The following IGF2R variants were observed in gnomAD, a reference collection of about 807,000 sequenced individuals.
IGF2R encodes the protein cation-independent mannose-6-phosphate receptor.
In IGF2R, 91 loss-of-function variants were observed where a neutral mutation model predicts 270.6. The ratio of observed to expected loss-of-function variants is 0.34; its 90% CI spans 0.28 to 0.40. IGF2R has a LOEUF of 0.40. Among genes scored for constraint, IGF2R ranks in the 10% least tolerant of loss-of-function variants. IGF2R has a pLI of 1.00. For missense variants in IGF2R, 2,805 were observed against 3,188.3 expected (o/e 0.88, Z 2.90); for synonymous variants, 1,316 against 1,258.9 (o/e 1.05, Z -0.96).
intron 4 of IGF2R, among the ~76,000 whole-genome samples, chr6:160,023,670 C>A (rs143801068): frequency 6.6e-5 from 10 of 152,254 alleles, no homozygotes; most frequent in African/African-American, 2.2e-4. Flanking sequence ...GAGGTTGAAC[C>A]CCAAGTGTTC....
intron 4 of IGF2R, among the ~76,000 whole-genome samples, chr6:160,011,435 C>A (rs1784331683): frequency 6.6e-6 from 1 of 151,588 alleles, no homozygotes; most frequent in African/African-American, 2.4e-5. Context: ...GTATATATAT[C>A]TATATACATA....
At position 160,075,757 on chromosome 6, in the gene IGF2R, GT is replaced by G. The variant is rs1391991046; in HGVS notation, c.5167-85del. On this transcript the variant is annotated intron_variant, in intron 35 of 47. Transcript: ENST00000356956. ...TCATTCTCAGAACCTATGAGGTCTG[GT>G]TTTTGCAATTCTGTATCAATTCTTA... The G allele has an allele frequency of 3.6e-6, 5 of 1,391,354 alleles. No individual in the cohort carries two copies. The East Asian group carries it at 1.1e-4, about 32-fold the overall frequency. 86.2% of individuals were successfully genotyped at this position (1,391,354 alleles called of 1,614,324 possible). A position where few individuals can be genotyped will look rare whatever the true frequency, so the allele number is the denominator to read the frequency against.
intron 4 of IGF2R, among the ~76,000 whole-genome samples, chr6:160,017,920 C>T (rs147786179): frequency 1.3e-4 from 20 of 152,154 alleles, no homozygotes; most frequent in African/African-American, 4.6e-4. Flanking sequence ...AAAGTATAAA[C>T]ACTCTTATAA....
At chr6:160,058,286 A>T (rs1778356710) in intron 21 of IGF2R, among the ~76,000 whole-genome samples, 162 bp downstream of exon 21, 1 of 152,214 alleles carries the variant, frequency 6.6e-6, no homozygotes, top group Non-Finnish European at 1.5e-5. Flanking sequence ...GGAAAGATGA[A>T]GTAAAACCAT....
chr6:160,032,723 T>A lies in IGF2R; in HGVS notation c.1045+10T>A, dbSNP rs1263752870. The A allele has an allele frequency of 6.2e-7, 1 of 1,612,882 alleles. No individual in the cohort carries two copies. The highest frequency in any genetic ancestry group is 1.7e-5 in the Admixed American group (1 of 59,948). ...CTTGCCCAGAGCGGAGGTAAGCAGG[T>A]GCTTTCTGCCTCCTGGCGCTGCTTA... On this transcript the variant is annotated intron_variant, in intron 8 of 47. Coordinates refer to ENST00000356956, the MANE Select transcript of IGF2R (RefSeq NM_000876.4).
At chr6:159,994,529 G>A (rs1177914974) in intron 2 of IGF2R, among the ~76,000 whole-genome samples, 1 of 151,328 alleles carries the variant, frequency 6.6e-6, no homozygotes, top group Admixed American at 6.6e-5. Context: ...TGCCATGAGG[G>A]TTACATTAGG....
chr6:160,060,163 A>G (rs1442411321), intron 22 of IGF2R, among the ~76,000 whole-genome samples: 1 of 151,656 alleles, frequency 6.6e-6, no homozygotes, highest in Non-Finnish European at 1.5e-5. Flanking sequence ...ATAGGCCACC[A>G]TTGGAGCGAG....
intron 27 of IGF2R, 126 bp from the exon 28 acceptor site, chr6:160,064,275 G>A: frequency 9.4e-7 from 1 of 1,063,300 alleles, no homozygotes; most frequent in South Asian, 1.3e-5. Flanking sequence ...TGCATGGTAT[G>A]GTGCTGGGAG....
chr6:160,085,883 G>A (rs1431352632), intron 41 of IGF2R, among the ~76,000 whole-genome samples: 1 of 152,186 alleles, frequency 6.6e-6, no homozygotes, highest in African/African-American at 2.4e-5. Context: ...AGGAAGTGGC[G>A]CCCAGACCGC....
chr6:160,045,697 T>C (rs1778053080), intron 13 of IGF2R, 48 bp from the exon 14 acceptor site: 1 of 1,609,594 alleles, frequency 6.2e-7, no homozygotes, highest in Non-Finnish European at 8.5e-7. Context: ...GTAAGATATT[T>C]TAGGAATGAA....
chr6:160,092,476 T>C (rs1344809463), intron 44 of IGF2R, among the ~76,000 whole-genome samples: 1 of 152,268 alleles, frequency 6.6e-6, no homozygotes, highest in African/African-American at 2.4e-5. Context: ...CATTTAGTCA[T>C]TCTTGGTAAA....
Position 160,047,092 on chromosome 6 carries a change from A to C in IGF2R, c.2052-67A>C. 3 of 1,483,238 alleles carry C rather than the reference A, an allele frequency of 2.0e-6. No homozygotes were observed. In the South Asian group the frequency reaches 3.4e-5, roughly 17 times the overall value. The allele number at this position is 1,483,238 out of a possible 1,614,324, so 91.9% of individuals were successfully genotyped here. On this transcript the variant is annotated intron_variant, in intron 15 of 47. Coordinates refer to ENST00000356956, the MANE Select transcript of IGF2R (RefSeq NM_000876.4). ...CACGTCGCTCACGGGCCCTCCCTTC[A>C]GTGTGGCAGCCTTGGAGTGCTTCTG...
rs1027283306 is a variant in IGF2R at position 159,984,788 on chromosome 6, C to T, written c.150-6396C>T. Among the ~76,000 whole-genome samples the T allele has an allele frequency of 3.9e-5, 6 of 152,200 alleles. No homozygotes were observed. In the South Asian group the frequency reaches 1.2e-3, roughly 31 times the overall value. On this transcript the variant is annotated intron_variant, in intron 1 of 47. Transcript: ENST00000356956. Reference sequence around the variant, plus strand: ...AAACCAGTCCCCCCATCAGCAGTTACACTTCCTGAGGTTTCAGTTACCCAT... The same window carrying T: ...AAACCAGTCCCCCCATCAGCAGTTATACTTCCTGAGGTTTCAGTTACCCAT...
At position 160,024,586 on chromosome 6, in the gene IGF2R, G is replaced by C. The variant is rs1225921693; in HGVS notation, c.528G>C (p.Val176=). ...FKANKEVPCY[V]FDEELRKHDL... is the part of the protein sequence containing the mutation. Reference sequence around the variant, plus strand: ...CTCCCTTCCAGGTGCCATGCTATGTGTTTGATGAAGAGTTGAGGAAGCATG... The same window carrying C: ...CTCCCTTCCAGGTGCCATGCTATGTCTTTGATGAAGAGTTGAGGAAGCATG... The change falls in exon 5 of 48, where the codon GTG becomes GTC. Residue 176 remains valine, a synonymous_variant. Transcript: ENST00000356956. 6.2e-7 allele frequency: 1 copy of C among 1,614,120 alleles called. No individual in the cohort carries two copies. The highest frequency in any genetic ancestry group is 1.1e-5 in the South Asian group (1 of 91,064).
intron 10 of IGF2R, among the ~76,000 whole-genome samples, chr6:160,036,076 T>C (rs796790990): frequency 2.6e-5 from 4 of 152,136 alleles, no homozygotes; most frequent in African/African-American, 9.6e-5. Flanking sequence ...GAACGGTGAG[T>C]GTGCAGTATT....
chr6:160,087,892 TCTCTAA>T, intron 41 of IGF2R, 135 bp from the exon 42 acceptor site: 1 of 610,450 alleles, frequency 1.6e-6, no homozygotes, highest in Non-Finnish European at 3.0e-6. Context: ...GTCAGGCTGG[TCTCTAA>T]CTCCTGACCT....
intron 42 of IGF2R, 50 bp downstream of exon 42, chr6:160,088,197 G>A (rs1325839113): frequency 8.4e-7 from 1 of 1,185,570 alleles, no homozygotes; most frequent in African/African-American, 1.5e-5. Flanking sequence ...GCATACTGGA[G>A]GGAATTCCTC....
At chr6:160,058,446 G>A (rs8191829) in intron 21 of IGF2R, among the ~76,000 whole-genome samples, 40,548 of 152,060 alleles carry the variant, frequency 0.27, 5,561 homozygotes, top group East Asian at 0.33. Flanking sequence ...ACACCAGAGA[G>A]CATAATTGAC....
chr6:160,022,579 A>G (rs1385501028), intron 4 of IGF2R, among the ~76,000 whole-genome samples: 2 of 152,252 alleles, frequency 1.3e-5, no homozygotes, highest in Non-Finnish European at 2.9e-5. Flanking sequence ...CAGTTTATGG[A>G]ACAAATATAG....
Sources: gnomAD v4.1 joint callset for allele counts (sites outside exome capture counted in the v4.1 genomes callset) on GRCh38, gnomAD v4.1.1 for gene constraint, MANE v1.5 for transcripts, NCBI Gene and HGNC (gene_info 2026-07-23, HGNC 2026-07-21) for gene names.